Variants in ACTR3C observed in about 807,000 individuals in gnomAD.
The protein encoded by ACTR3C is actin-related protein 3C.
Under a neutral mutation model 26.3 loss-of-function variants are expected in ACTR3C, and 18 were observed. The observed-to-expected ratio is 0.68, with a 90% CI of 0.47 to 1.01. The LOEUF (loss-of-function observed/expected upper bound fraction) is 1.01, where lower values mean the gene tolerates loss of function less well. Ranked by LOEUF, ACTR3C falls within the 50% of genes least tolerant of loss-of-function variation. The pLI, the probability that ACTR3C is intolerant of heterozygous loss-of-function variation, is 0.00. For missense variants in ACTR3C, 184 were observed against 250.7 expected (o/e 0.73, Z 1.80); for synonymous variants, 55 against 94.5 (o/e 0.58, Z 2.42).
chr7:150,194,265 T>G, the ACTR3C span, among the ~76,000 whole-genome samples: 1 of 146,904 alleles, frequency 6.8e-6, no homozygotes, highest in Non-Finnish European at 1.5e-5. Flanking sequence ...AGTATTTTCT[T>G]TTATATATTA....
chr7:149,885,472 C>T, the ACTR3C span, among the ~76,000 whole-genome samples: 23 of 152,224 alleles, frequency 1.5e-4, no homozygotes, highest in Non-Finnish European at 2.6e-4. Flanking sequence ...CAGGGAGCTC[C>T]GGCACTGCCC....
At chr7:150,109,154 C>A in the ACTR3C span, among the ~76,000 whole-genome samples, 1 of 151,916 alleles carries the variant, frequency 6.6e-6, no homozygotes, top group Non-Finnish European at 1.5e-5. Flanking sequence ...CTCTAAATAT[C>A]CCTGCTGTAG....
the ACTR3C span, among the ~76,000 whole-genome samples, chr7:150,196,643 C>T: frequency 6.6e-6 from 1 of 152,192 alleles, no homozygotes; most frequent in Non-Finnish European, 1.5e-5. Flanking sequence ...ACATCTCCTG[C>T]AGAATAGTAG....
At chr7:150,288,276 T>G (rs1248882965) in intron 4 of ACTR3C, among the ~76,000 whole-genome samples, 1 of 149,262 alleles carries the variant, frequency 6.7e-6, no homozygotes, top group Non-Finnish European at 1.5e-5. Flanking sequence ...GTGAGGAGAG[T>G]TGAAGGCCCA....
the ACTR3C span, among the ~76,000 whole-genome samples, chr7:149,905,973 A>C: frequency 6.6e-6 from 1 of 152,146 alleles, no homozygotes. Flanking sequence ...GATACGCATA[A>C]GGAAATTTTT....
chr7:149,967,870 C>T, the ACTR3C span, among the ~76,000 whole-genome samples: 95 of 151,526 alleles, frequency 6.3e-4, no homozygotes, highest in Middle Eastern at 3.4e-3. Flanking sequence ...ACTTCCCAGG[C>T]TTTTCTTCTT....
At chr7:150,183,797 C>A in the ACTR3C span, among the ~76,000 whole-genome samples, 327 of 149,822 alleles carry the variant, frequency 2.2e-3, 2 homozygotes, top group Non-Finnish European at 3.8e-3. Context: ...CAAATCTCAC[C>A]TTGAGTTGTA....
chr7:150,159,271 T>C, the ACTR3C span, among the ~76,000 whole-genome samples: 890 of 151,994 alleles, frequency 5.9e-3, 11 homozygotes, highest in African/African-American at 0.021. Context: ...AAACACTTCT[T>C]CCCAGGATGG....
At chr7:150,119,796 A>G in the ACTR3C span, among the ~76,000 whole-genome samples, 10 of 152,334 alleles carry the variant, frequency 6.6e-5, no homozygotes, top group Middle Eastern at 3.4e-3. Context: ...TCTCAGCACT[A>G]CATAGCACTT....
chr7:150,279,923 T>C lies in ACTR3C; in HGVS notation c.564+4830A>G, dbSNP rs144617776. On this transcript the variant is annotated intron_variant, in intron 6 of 7. Transcript: ENST00000683684. Reference sequence around the variant, plus strand: ...AGAACCGAATCATCTCGTACATACTTAAATCCCCTAATTTAACAACAGTGT... The same window carrying C: ...AGAACCGAATCATCTCGTACATACTCAAATCCCCTAATTTAACAACAGTGT... Among the ~76,000 whole-genome samples, 411 of 152,284 alleles carry C rather than the reference T, an allele frequency of 2.7e-3. 3 individuals carry two copies. The highest frequency in any genetic ancestry group is 9.3e-3 in the African/African-American group (385 of 41,548).
chr7:150,092,803 A>T, the ACTR3C span, among the ~76,000 whole-genome samples: 1 of 150,860 alleles, frequency 6.6e-6, no homozygotes, highest in Non-Finnish European at 1.5e-5. Flanking sequence ...GCATGACCAC[A>T]CTCTCTCCTC....
chr7:149,913,003 T>C, the ACTR3C span, among the ~76,000 whole-genome samples: 1 of 152,242 alleles, frequency 6.6e-6, no homozygotes, highest in Non-Finnish European at 1.5e-5. Context: ...ATAATCATAA[T>C]GTAACAAACA....
At chr7:149,981,329 G>A in the ACTR3C span, among the ~76,000 whole-genome samples, 2 of 151,966 alleles carry the variant, frequency 1.3e-5, no homozygotes, top group Non-Finnish European at 2.9e-5. Flanking sequence ...GAGCCAATCT[G>A]CACTGGGCTT....
chr7:150,036,760 T>A, the ACTR3C span, among the ~76,000 whole-genome samples: 1 of 137,840 alleles, frequency 7.3e-6, no homozygotes, highest in Non-Finnish European at 1.7e-5. Flanking sequence ...ATGTAAGGTA[T>A]CTGCCGTCGG....
chr7:150,003,612 TG>T, the ACTR3C span, among the ~76,000 whole-genome samples: 1 of 115,516 alleles, frequency 8.7e-6, no homozygotes, highest in African/African-American at 2.6e-5. Flanking sequence ...TGTTATCTGG[TG>T]TGTGTGTGTG....
chr7:150,262,241 A>C (rs1833696600), intron 6 of ACTR3C, among the ~76,000 whole-genome samples: 1 of 151,382 alleles, frequency 6.6e-6, no homozygotes, highest in African/African-American at 2.4e-5. Flanking sequence ...ATCGTCAGGA[A>C]AGCACAAGCT....
At chr7:150,017,258 C>A in the ACTR3C span, among the ~76,000 whole-genome samples, 1 of 151,590 alleles carries the variant, frequency 6.6e-6, no homozygotes, top group Admixed American at 6.6e-5. Context: ...TCCTGCACAT[C>A]CCCCAGCCTG....
the ACTR3C span, among the ~76,000 whole-genome samples, chr7:150,103,062 GGTGT>G: frequency 2.8e-5 from 4 of 142,226 alleles, no homozygotes; most frequent in African/African-American, 1.1e-4. Flanking sequence ...ATACAAAACA[GGTGT>G]GTGTGTATGT....
At chr7:150,270,350 G>A (rs2129610884) in intron 6 of ACTR3C, among the ~76,000 whole-genome samples, 1 of 150,338 alleles carries the variant, frequency 6.7e-6, no homozygotes, top group East Asian at 1.9e-4. Context: ...TGACACAGCT[G>A]AAGGCAATTC....
Sources: gnomAD v4.1 joint callset for allele counts (sites outside exome capture counted in the v4.1 genomes callset) on GRCh38, gnomAD v4.1.1 for gene constraint, MANE v1.5 for transcripts, NCBI Gene and HGNC (gene_info 2026-07-23, HGNC 2026-07-21) for gene names.